Variants in FAM178B observed in about 807,000 individuals in gnomAD.
The protein encoded by FAM178B is protein FAM178B.
A neutral mutation model predicts 91.7 loss-of-function variants in FAM178B; 82 were observed. The observed-to-expected ratio is 0.89, with a 90% CI of 0.75 to 1.07. The LOEUF is 1.07. FAM178B is among the 50% of genes least tolerant of loss of function. The pLI is 0.00. For synonymous variants in FAM178B, 368 were observed against 359.4 expected (o/e 1.02, Z -0.27); for missense variants, 769 against 846.7 (o/e 0.91, Z 1.14).
At position 96,930,195 on chromosome 2, in the gene FAM178B, G is replaced by A. The variant is rs542258794; in HGVS notation, c.1079-875C>T. On this transcript the variant is annotated intron_variant, in intron 8 of 16. Transcript: ENST00000490605. Reference sequence around the variant, plus strand: ...ACTCCAGCAGCCTGGGTGACAGAGCGAGACTCCGTCTCTCCAAAAAAAAAA... The same window carrying A: ...ACTCCAGCAGCCTGGGTGACAGAGCAAGACTCCGTCTCTCCAAAAAAAAAA... 8.3e-5 allele frequency among the ~76,000 whole-genome samples: 9 copies of A among 108,466 alleles called. No homozygotes were observed. In the South Asian group the frequency reaches 9.8e-4, roughly 12 times the overall value. 71.2% of individuals were successfully genotyped at this position (108,466 alleles called of 152,430 possible).
chr2:96,978,479 G>T (rs926456118), intron 1 of FAM178B, among the ~76,000 whole-genome samples: 12 of 152,004 alleles, frequency 7.9e-5, no homozygotes, highest in Non-Finnish European at 1.0e-4. Context: ...CAGTGTCTGT[G>T]GCTTCCTTCT....
intron 5 of FAM178B, among the ~76,000 whole-genome samples, chr2:96,964,013 C>A (rs2082113840): frequency 6.6e-6 from 1 of 151,986 alleles, no homozygotes. Context: ...AATCTTGTCT[C>A]TACTAAAAAT....
intron 14 of FAM178B, among the ~76,000 whole-genome samples, chr2:96,889,487 C>T (rs959713806): frequency 2.0e-5 from 3 of 150,390 alleles, no homozygotes; most frequent in Non-Finnish European, 3.0e-5. Context: ...GAGACCAGCC[C>T]GGCCAACATG....
intron 14 of FAM178B, among the ~76,000 whole-genome samples, chr2:96,885,942 A>AC (rs1162510570): frequency 1.3e-5 from 2 of 149,794 alleles, no homozygotes; most frequent in East Asian, 4.0e-4. Flanking sequence ...GGTCACTGAC[A>AC]CCAGCCAGGG....
At chr2:96,919,885 A>G (rs1246368337) in intron 12 of FAM178B, among the ~76,000 whole-genome samples, 1 of 152,212 alleles carries the variant, frequency 6.6e-6, no homozygotes, top group Non-Finnish European at 1.5e-5. Context: ...ACTGAAGCGG[A>G]GCCCAGGACA....
intron 1 of FAM178B, among the ~76,000 whole-genome samples, chr2:96,977,219 T>G (rs1396603631): frequency 1.4e-3 from 103 of 74,440 alleles, no homozygotes; most frequent in Middle Eastern, 0.011. Context: ...AAAAAAAAAG[T>G]AAAGAAAATA....
chr2:96,911,731 G>C (rs1322307817), intron 12 of FAM178B, among the ~76,000 whole-genome samples: 1 of 152,184 alleles, frequency 6.6e-6, no homozygotes, highest in Non-Finnish European at 1.5e-5. Flanking sequence ...GACAGGGAGG[G>C]TGAGGAGGAA....
intron 8 of FAM178B, among the ~76,000 whole-genome samples, chr2:96,942,138 T>C (rs1466317401): frequency 1.3e-5 from 2 of 152,212 alleles, no homozygotes. Context: ...TACTTAGGAA[T>C]AAATTTGACC....
intron 14 of FAM178B, among the ~76,000 whole-genome samples, chr2:96,886,459 G>A (rs2080523849): frequency 6.6e-6 from 1 of 152,206 alleles, no homozygotes; most frequent in Non-Finnish European, 1.5e-5. Flanking sequence ...CACTTGCCTA[G>A]GGCTGCTGAG....
intron 12 of FAM178B, among the ~76,000 whole-genome samples, chr2:96,915,286 T>C (rs536848218): frequency 9.9e-4 from 150 of 151,768 alleles, no homozygotes; most frequent in Non-Finnish European, 1.7e-3. Context: ...ATTTTTTTTT[T>C]TTTCTATTTT....
At chr2:96,977,194 C>CAAAAAAAAAAA (rs70964891) in intron 1 of FAM178B, among the ~76,000 whole-genome samples, 1 of 38,522 alleles carries the variant, frequency 2.6e-5, no homozygotes, top group Non-Finnish European at 4.6e-5. Flanking sequence ...GACTCTGTCT[C>CAAAAAAAAAAA]AAAAAAAAAA....
At chr2:96,985,520 C>T (rs2082411992) in intron 1 of FAM178B, among the ~76,000 whole-genome samples, 1 of 152,102 alleles carries the variant, frequency 6.6e-6, no homozygotes, top group Non-Finnish European at 1.5e-5. Flanking sequence ...TTTTTTTGTT[C>T]TTTTACTTTC....
At chr2:96,879,275 T>C (rs1484197335) in intron 14 of FAM178B, among the ~76,000 whole-genome samples, 1 of 152,154 alleles carries the variant, frequency 6.6e-6, no homozygotes, top group African/African-American at 2.4e-5. Flanking sequence ...TCTCTCTTCA[T>C]GTCTAGGATC....
intron 8 of FAM178B, among the ~76,000 whole-genome samples, chr2:96,932,412 G>A (rs904488670): frequency 6.6e-6 from 1 of 152,208 alleles, no homozygotes; most frequent in African/African-American, 2.4e-5. Context: ...GGTGACTTGA[G>A]GACAGGAAAA....
intron 6 of FAM178B, among the ~76,000 whole-genome samples, chr2:96,956,261 T>G (rs1796046): frequency 0.8 from 121,141 of 152,248 alleles, 49,771 homozygotes; most frequent in African/African-American, 0.94. Flanking sequence ...CAATCAGCTG[T>G]TATCAGCTTC....
At chr2:96,928,613 T>C (rs1379160750) in intron 9 of FAM178B, among the ~76,000 whole-genome samples, 2 of 152,156 alleles carry the variant, frequency 1.3e-5, no homozygotes, top group Admixed American at 1.3e-4. Context: ...GGGACGTGTC[T>C]GCAAGGATAC....
At position 96,923,477 on chromosome 2, in the gene FAM178B, C is replaced by T. The variant is rs201544737; in HGVS notation, c.1287+13G>A. 1.1e-3 allele frequency: 1,664 copies of T among 1,546,750 alleles called. 36 individuals are homozygous for T. In the South Asian group the frequency reaches 0.018, roughly 17 times the overall value. ...CCGAGAGTGCCCTGCATGAGGCAGG[C>T]GGCTTGACTCACCTTGTAGATGTGG... On this transcript the variant is annotated intron_variant, in intron 10 of 16. Transcript: ENST00000490605.
chr2:96,946,456 C>A (rs992671112), intron 8 of FAM178B, among the ~76,000 whole-genome samples: 1 of 152,124 alleles, frequency 6.6e-6, no homozygotes, highest in Non-Finnish European at 1.5e-5. Flanking sequence ...GTTGAGATCC[C>A]GACCCCAGGC....
At chr2:96,951,699 T>C (rs2153373512) in intron 6 of FAM178B, 2 of 530,014 alleles carry the variant, frequency 3.8e-6, no homozygotes, top group South Asian at 4.0e-5. Flanking sequence ...TTCTTGAATG[T>C]TGCGTGAACA....
Sources: allele counts gnomAD v4.1 joint callset (sites outside exome capture counted in the v4.1 genomes callset), GRCh38; gene constraint gnomAD v4.1.1; transcripts MANE v1.5; gene names NCBI Gene and HGNC (gene_info 2026-07-23, HGNC 2026-07-21).